EPG5: variants seen among roughly 807,000 people sequenced by gnomAD.
The protein encoded by EPG5 is ectopic P-granules 5 autophagy tethering factor.
A neutral mutation model predicts 302.7 loss-of-function variants in EPG5; 159 were observed. That is an observed-to-expected ratio of 0.53 (90% CI 0.46 to 0.60). EPG5 has a LOEUF of 0.60. Ranked by LOEUF, EPG5 falls within the 20% of genes least tolerant of loss-of-function variation. EPG5 has a pLI of 0.00. For missense variants in EPG5, 2,896 were observed against 3,092.4 expected, an observed-to-expected ratio of 0.94 and a Z score of 1.51; for synonymous variants, 1,158 against 1,136.8, an observed-to-expected ratio of 1.02 and a Z score of -0.37.
At chr18:45,930,889 C>G in intron 11 of EPG5, 59 bp from the exon 12 acceptor site, 1 of 1,426,556 alleles carries the variant, frequency 7.0e-7, no homozygotes, top group Admixed American at 2.5e-5. Flanking sequence ...ATCTTTTAAT[C>G]ACTCTTCCAG....
At chr18:45,882,513 C>T (rs752769619) in intron 30 of EPG5, 26 bp from the exon 31 acceptor site, 10 of 1,582,604 alleles carry the variant, frequency 6.3e-6, no homozygotes, top group South Asian at 3.4e-5. Flanking sequence ...AACAAAAAGC[C>T]GTTTTATTTG....
At chr18:45,943,380 A>G in intron 8 of EPG5, 69 bp from the exon 9 acceptor site, 3 of 1,384,998 alleles carry the variant, frequency 2.2e-6, no homozygotes, top group Non-Finnish European at 3.0e-6. Context: ...ATACATCTGT[A>G]TAAATATTTT....
chr18:45,837,122 A>C, the EPG5 span: 1 of 1,611,236 alleles, frequency 6.2e-7, no homozygotes, highest in African/African-American at 1.3e-5. Flanking sequence ...CATCTCGGGG[A>C]TCTTGGGAGT....
At position 45,908,104 on chromosome 18, in the gene EPG5, T is replaced by C. The variant is rs763500701; in HGVS notation, c.4206-23A>G. ...AGCCTAAAAGATAAAAACATAATTA[T>C]ACGAAACATAAAAAGATGAGCATAC... On this transcript the variant is annotated intron_variant, in intron 23 of 43. Transcript: ENST00000282041. 3.4e-6 allele frequency: 5 copies of C among 1,471,356 alleles called. No homozygotes were observed. In the East Asian group the frequency reaches 1.2e-4, roughly 35 times the overall value. 91.1% of individuals were successfully genotyped at this position (1,471,356 alleles called of 1,614,324 possible).
chr18:45,860,878 T>A (rs995477693), intron 39 of EPG5, among the ~76,000 whole-genome samples: 7 of 152,168 alleles, frequency 4.6e-5, no homozygotes, highest in Non-Finnish European at 7.3e-5. Context: ...TATTTCTTTG[T>A]TTTTTAAATA....
chr18:45,860,295 A>C lies in EPG5; in HGVS notation c.6818T>G (p.Val2273Gly), dbSNP rs773012956. Residue 2273 changes from valine to glycine, a missense_variant, in exon 40 of 44, where the codon GTC becomes GGC. By Grantham distance (109) the Val-to-Gly change is moderately radical. Coordinates refer to ENST00000282041, the MANE Select transcript of EPG5 (RefSeq NM_020964.3). Reference protein sequence around the residue: ...HMALSSLFMEVLMMMNNATIP... With the variant: ...HMALSSLFMEGLMMMNNATIP... ...AGTCGCGTTGTTCATCATCATCAGG[A>C]CTTCCATAAAGAGGCTGCTGAGGGC... The C allele has an allele frequency of 6.2e-7, 1 of 1,614,180 alleles. No homozygotes were observed. Among genetic ancestry groups the C allele is most frequent in the Non-Finnish European group, 8.5e-7 (1 of 1,180,022 alleles).
chr18:45,814,737 C>T, the EPG5 span, among the ~76,000 whole-genome samples: 1 of 152,128 alleles, frequency 6.6e-6, no homozygotes, highest in African/African-American at 2.4e-5. Context: ...GAATTATCTG[C>T]CTAAGACCAC....
At chr18:45,913,980 C>T (rs2049970957) in intron 20 of EPG5, 152 bp from the exon 21 acceptor site, 3 of 840,188 alleles carry the variant, frequency 3.6e-6, no homozygotes, top group Non-Finnish European at 1.8e-6. Flanking sequence ...TTATACCTAC[C>T]TATATCCTTG....
chr18:45,925,579 A>G (rs2145781161), intron 14 of EPG5, among the ~76,000 whole-genome samples, 159 bp downstream of exon 14: 1 of 152,378 alleles, frequency 6.6e-6, no homozygotes, highest in East Asian at 1.9e-4. Flanking sequence ...TCATTCTGCA[A>G]AAGAGAATTA....
At chr18:45,888,776 A>AG (rs1466169164) in intron 28 of EPG5, among the ~76,000 whole-genome samples, 1 of 152,212 alleles carries the variant, frequency 6.6e-6, no homozygotes, top group African/African-American at 2.4e-5. Flanking sequence ...ATAGTCTCCT[A>AG]GGGGAAAAAA....
At chr18:45,857,784 C>T in intron 42 of EPG5, 69 bp downstream of exon 42, 2 of 1,283,014 alleles carry the variant, frequency 1.6e-6, no homozygotes, top group Non-Finnish European at 2.3e-6. Context: ...AAGTATATCA[C>T]AACCTGTAAG....
the EPG5 span, chr18:45,829,012 C>A: frequency 1.2e-6 from 1 of 853,240 alleles, no homozygotes; most frequent in Non-Finnish European, 1.4e-6. Flanking sequence ...GAAGTCCTAT[C>A]TGGGGCGGGA....
chr18:45,833,609 G>A, the EPG5 span, among the ~76,000 whole-genome samples: 3 of 152,088 alleles, frequency 2.0e-5, no homozygotes, highest in Non-Finnish European at 2.9e-5. Flanking sequence ...CACCACGCCC[G>A]GCCTCTTGTG....
intron 27 of EPG5, 78 bp from the exon 28 acceptor site, chr18:45,890,018 A>C (rs140360325): frequency 7.8e-7 from 1 of 1,276,818 alleles, no homozygotes; most frequent in African/African-American, 1.5e-5. Context: ...CTGAAATAAA[A>C]TTATTGTCTT....
Position 45,916,325 on chromosome 18 carries a change from A to T in EPG5, c.3384+113T>A, listed in dbSNP as rs536884587. ...CCAAATCTATTGCCTTTCTTGGCCA[A>T]AAGCACACTAAGCCAAGTGATCTGA... On this transcript the variant is annotated intron_variant, in intron 18 of 43. Coordinates refer to ENST00000282041, the MANE Select transcript of EPG5 (RefSeq NM_020964.3). The T allele has an allele frequency of 3.3e-6, 5 of 1,530,512 alleles. No individual in the cohort carries two copies. In the South Asian group the frequency reaches 5.1e-5, roughly 16 times the overall value. 94.8% of individuals were successfully genotyped at this position (1,530,512 alleles called of 1,614,324 possible). A position where few individuals can be genotyped will look rare whatever the true frequency, so the allele number is the denominator to read the frequency against.
At chr18:45,949,398 C>CA in intron 5 of EPG5, 86 bp downstream of exon 5, 1 of 685,612 alleles carries the variant, frequency 1.5e-6, no homozygotes, top group Non-Finnish European at 2.4e-6. Context: ...TTAAATAGTC[C>CA]TTTTTTTTTC....
chr18:45,939,809 T>C, intron 9 of EPG5, 54 bp from the exon 10 acceptor site: 7 of 1,487,434 alleles, frequency 4.7e-6, no homozygotes, highest in Non-Finnish European at 6.5e-6. Context: ...TATCTGCACC[T>C]TTATATTACA....
At chr18:45,880,348 A>G in intron 31 of EPG5, 125 bp from the exon 32 acceptor site, 2 of 939,682 alleles carry the variant, frequency 2.1e-6, no homozygotes, top group South Asian at 2.3e-5. Flanking sequence ...ACAAACTCAC[A>G]GGGATATCTG....
chr18:45,813,059 A>C, the EPG5 span, among the ~76,000 whole-genome samples: 7 of 152,350 alleles, frequency 4.6e-5, no homozygotes, highest in Non-Finnish European at 1.0e-4. Context: ...CAATGAACTC[A>C]AACAAATTTA....
Sources: allele counts gnomAD v4.1 joint callset (sites outside exome capture counted in the v4.1 genomes callset), GRCh38; gene constraint gnomAD v4.1.1; transcripts MANE v1.5; gene names NCBI Gene and HGNC (gene_info 2026-07-23, HGNC 2026-07-21).